ADGRL1: variants seen among roughly 807,000 people sequenced by gnomAD.
The protein encoded by ADGRL1 is adhesion G protein-coupled receptor L1.
ADGRL1 carries 31 observed loss-of-function variants against 148.9 expected under a neutral mutation model. The observed-to-expected ratio is 0.21, with a 90% CI of 0.16 to 0.28. The LOEUF (loss-of-function observed/expected upper bound fraction) is 0.28. Among genes scored for constraint, ADGRL1 ranks in the 10% least tolerant of loss-of-function variants. The pLI is 1.00. For missense variants in ADGRL1, 1,521 were observed against 2,058.8 expected (o/e 0.74, Z 5.05); for synonymous variants, 937 against 900.3 (o/e 1.04, Z -0.73).
chr19:14,203,999 T>C (rs188820549), intron 1 of ADGRL1, among the ~76,000 whole-genome samples: 1 of 152,204 alleles, frequency 6.6e-6, no homozygotes, highest in African/African-American at 2.4e-5. Flanking sequence ...GGGACCCACA[T>C]GTGAGCGCAC....
chr19:14,158,968 A>T, intron 11 of ADGRL1, 122 bp downstream of exon 11: 1 of 1,253,256 alleles, frequency 8.0e-7, no homozygotes, highest in Non-Finnish European at 1.1e-6. Context: ...CTCAAATTTT[A>T]CACTAGCATG....
chr19:14,176,424 A>G (rs1356218328), intron 3 of ADGRL1, among the ~76,000 whole-genome samples: 1 of 152,062 alleles, frequency 6.6e-6, no homozygotes, highest in Non-Finnish European at 1.5e-5. Flanking sequence ...ACACAGACAC[A>G]CTCCAAGTTA....
At chr19:14,182,907 G>A (rs990407841) in intron 2 of ADGRL1, among the ~76,000 whole-genome samples, 8 of 152,214 alleles carry the variant, frequency 5.3e-5, no homozygotes, top group Admixed American at 2.6e-4. Context: ...CAGGGATGTC[G>A]GGGTGGGCAG....
chr19:14,152,836 G>T lies in ADGRL1; in HGVS notation c.3371C>A (p.Ser1124Tyr). Residue 1124 changes from serine (S) to tyrosine (Y), a missense_variant, in exon 19 of 23, where the codon TCC becomes TAC. Physicochemically the swap from Ser to Tyr is moderately radical, Grantham distance 144 (BLOSUM62 -2). Transcript: ENST00000361434. The surrounding 1 kb of genome is among the most constrained non-coding windows in gnomAD (Gnocchi z 6.1). ...GCTTCGCATGGCTGAGGTCTTGAGG[G>T]ATCCGTGAGTGCCCCCGGGTGGGGA... ...IRSPPGGTHG[S>Y]LKTSAMRSNT... 1 of 1,614,212 alleles carries T rather than the reference G, an allele frequency of 6.2e-7. No individual in the cohort carries two copies. The highest frequency in any genetic ancestry group is 8.5e-7 in the Non-Finnish European group (1 of 1,180,030).
intron 22 of ADGRL1, 68 bp from the exon 23 acceptor site, chr19:14,151,683 G>A: frequency 1.3e-5 from 19 of 1,443,714 alleles, no homozygotes; most frequent in Middle Eastern, 1.9e-4. Context: ...CAGTGAGGGG[G>A]TGCGGTCCAT....
chr19:14,204,081 T>A (rs2145199968), intron 1 of ADGRL1, among the ~76,000 whole-genome samples: 1 of 152,294 alleles, frequency 6.6e-6, no homozygotes, highest in East Asian at 1.9e-4. Flanking sequence ...AGTTCCCTTT[T>A]CCGAATTCCA....
chr19:14,152,334 G>A lies in ADGRL1; in HGVS notation c.3624C>T (p.Ser1208=). Residue 1208 remains serine, a synonymous_variant, in exon 21 of 23, where the codon TCC becomes TCT. Transcript: ENST00000361434. This position sits in a 1 kb window ranked among gnomAD's most constrained non-coding sequence, Gnocchi z 6.1. The part of the protein sequence containing the change: ...LIAESVGFNP[S]SPPVFNSPGS... ...CTGGGGAGTTGAAGACAGGGGGCGA[G>A]GAGGGATTGAAGCCCACTGACTCGG... 1.3e-6 allele frequency: 2 copies of A among 1,597,976 alleles called. No homozygotes were observed. Among genetic ancestry groups the A allele is most frequent in the Non-Finnish European group, 8.5e-7 (1 of 1,170,258 alleles).
intron 1 of ADGRL1, among the ~76,000 whole-genome samples, chr19:14,186,852 G>A (rs977257994): frequency 2.6e-5 from 4 of 152,174 alleles, no homozygotes; most frequent in African/African-American, 9.7e-5. Context: ...GTCGGCTGCG[G>A]CTGCTCATTG....
Position 14,163,373 on chromosome 19 carries a change from A to C in ADGRL1, c.428T>G (p.Leu143Arg), listed in dbSNP as rs1378490559. The C allele has an allele frequency of 6.3e-7, 1 of 1,586,284 alleles. No homozygotes were observed. Among genetic ancestry groups the C allele is most frequent in the East Asian group, 2.3e-5 (1 of 43,506 alleles). ...TGACTCGTGTGTCGAGGTGGGCTCCAGCACCTTCTGCAGGGTCCCTGGGCA... is the reference window on the plus strand; with the variant it reads ...TGACTCGTGTGTCGAGGTGGGCTCCCGCACCTTCTGCAGGGTCCCTGGGCA... Reference protein sequence around the residue: ...FVCPGTLQKVLEPTSTHESEH... With the variant: ...FVCPGTLQKVREPTSTHESEH... The change falls in exon 5 of 23, where the codon CTG becomes CGG. Residue 143 changes from leucine (L) to arginine (R), a missense_variant. This residue lies in a region of ADGRL1 where 334 missense variants were observed against 512.5 expected (regional missense o/e 0.65). Transcript: ENST00000361434.
rs1348511397 is a variant in ADGRL1, at chr19:14,157,476, G to A, written c.2536-16C>T. On this transcript the variant is annotated splice_polypyrimidine_tract_variant and intron_variant, in intron 13 of 22. Coordinates refer to ENST00000361434, the MANE Select transcript of ADGRL1 (RefSeq NM_014921.5). This position sits in a 1 kb window ranked among gnomAD's most constrained non-coding sequence, Gnocchi z 7.5. ...GGCCCTGGTACTGGGGACAGGAACA[G>A]GGGGCACGCTCAGGGCCTTTGGTTT... 1.9e-6 allele frequency: 3 copies of A among 1,612,868 alleles called. No homozygotes were observed. The highest frequency in any genetic ancestry group is 2.5e-6 in the Non-Finnish European group (3 of 1,179,424).
In ADGRL1 at chr19:14,150,557, GGA is replaced by G. The variant is rs1491402588; in HGVS notation, c.*314_*315del. 5.6e-6 allele frequency: 2 copies of G among 356,040 alleles called. No individual in the cohort carries two copies. Among genetic ancestry groups the G allele is most frequent in the Admixed American group, 4.3e-5 (1 of 23,340 alleles). 22.1% of individuals were successfully genotyped at this position (356,040 alleles called of 1,614,324 possible). The stretch of plus-strand genomic sequence containing the variant: ...TCACAGGGTAGAAGGGTGGGAGAGG[GGA>G]GAGTCTGGAAGTGGGCTGCACCCTT... On this transcript the variant is annotated 3_prime_UTR_variant, in exon 23 of 23. Coordinates refer to ENST00000361434, the MANE Select transcript of ADGRL1 (RefSeq NM_014921.5).
At position 14,162,747 on chromosome 19, in the gene ADGRL1, G is replaced by A; in HGVS notation, c.1054C>T (p.Pro352Ser). ...AFNTNANREE[P>S]VSLTFPNPYQ... Reference sequence around the variant, plus strand: ...GGGTTGGGGAAGGTGAGGCTGACAGGCTCCTCGCGGTTGGCATTGGTGTTG... The same window carrying A: ...GGGTTGGGGAAGGTGAGGCTGACAGACTCCTCGCGGTTGGCATTGGTGTTG... Residue 352 changes from proline to serine, a missense_variant, in exon 5 of 23, where the codon CCT becomes TCT. Pro to Ser is a moderately conservative substitution (Grantham distance 74). This residue lies in a region of ADGRL1 where 270 missense variants were observed against 320.4 expected (regional missense o/e 0.84). Transcript: ENST00000361434. This position sits in a 1 kb window ranked among gnomAD's most constrained non-coding sequence, Gnocchi z 5.4. The A allele has an allele frequency of 6.2e-7, 1 of 1,614,222 alleles. No homozygotes were observed. The highest frequency in any genetic ancestry group is 8.5e-7 in the Non-Finnish European group (1 of 1,180,034).
intron 3 of ADGRL1, among the ~76,000 whole-genome samples, chr19:14,174,844 T>G (rs1178769760): frequency 2.7e-5 from 4 of 148,696 alleles, no homozygotes; most frequent in Non-Finnish European, 4.5e-5. Flanking sequence ...TCTGTTTTTT[T>G]TTTTTTTTTT....
At chr19:14,167,400 G>C (rs554109288) in intron 4 of ADGRL1, among the ~76,000 whole-genome samples, 21 of 151,984 alleles carry the variant, frequency 1.4e-4, no homozygotes, top group Non-Finnish European at 2.6e-4. Context: ...CGGGGGCAGG[G>C]AGTAGGGAGC....
chr19:14,204,433 G>A (rs1329841921), intron 1 of ADGRL1, among the ~76,000 whole-genome samples: 1 of 152,058 alleles, frequency 6.6e-6, no homozygotes. Context: ...AGCAGGTGGA[G>A]GGCACGGAGC....
Position 14,160,714 on chromosome 19 carries a change from C to G in ADGRL1, c.1511-18G>C. The G allele has an allele frequency of 6.8e-7, 1 of 1,466,680 alleles. No homozygotes were observed. The highest frequency in any genetic ancestry group is 1.7e-5 in the Admixed American group (1 of 58,804). 90.9% of individuals were successfully genotyped at this position (1,466,680 alleles called of 1,614,324 possible). A position where few individuals can be genotyped will look rare whatever the true frequency, so the allele number is the denominator to read the frequency against. ...GGCAATTCCTGCAGGGACAGACAGACAGGAACAGACAAGGGAGCCAAAGGG... is the reference window on the plus strand; with the variant it reads ...GGCAATTCCTGCAGGGACAGACAGAGAGGAACAGACAAGGGAGCCAAAGGG... On this transcript the variant is annotated intron_variant, in intron 6 of 22. Coordinates refer to ENST00000361434, the MANE Select transcript of ADGRL1 (RefSeq NM_014921.5). The surrounding 1 kb of genome is among the most constrained non-coding windows in gnomAD (Gnocchi z 5.9).
chr19:14,196,340 C>T (rs1321123107), intron 1 of ADGRL1, among the ~76,000 whole-genome samples: 4 of 152,302 alleles, frequency 2.6e-5, no homozygotes, highest in South Asian at 4.1e-4. Context: ...TGCACTGGGC[C>T]GGATGTGGCG....
At position 14,148,763 on chromosome 19, in the gene ADGRL1, G is replaced by A. The variant is rs926828448; in HGVS notation, c.*2110C>T. The A allele has an allele frequency of 6.5e-6, 1 of 152,718 alleles. No homozygotes were observed. Among genetic ancestry groups the A allele is most frequent in the Non-Finnish European group, 1.5e-5 (1 of 68,130 alleles). The allele number at this position is 152,718 out of a possible 1,614,324, so 9.5% of individuals were successfully genotyped here. A position where few individuals can be genotyped will look rare whatever the true frequency, so the allele number is the denominator to read the frequency against. ...CCAACCCCACCTCTTCCCCACACCT[G>A]TTCCCTTACACGGGACAAACCACCA... is the stretch of plus-strand genomic sequence containing the variant. On this transcript the variant is annotated 3_prime_UTR_variant, in exon 23 of 23. Coordinates refer to ENST00000361434, the MANE Select transcript of ADGRL1 (RefSeq NM_014921.5).
At chr19:14,164,993 G>A (rs146039348) in intron 4 of ADGRL1, among the ~76,000 whole-genome samples, 1 of 152,330 alleles carries the variant, frequency 6.6e-6, no homozygotes, top group Non-Finnish European at 1.5e-5. Context: ...TGTCACCAAA[G>A]CAGCTGGCCC....
Sources: allele counts gnomAD v4.1 joint callset (sites outside exome capture counted in the v4.1 genomes callset), GRCh38; gene constraint gnomAD v4.1.1; regional missense constraint gnomAD v4.1.1; non-coding constraint Gnocchi (gnomAD v3.1); transcripts MANE v1.5; gene names NCBI Gene and HGNC (gene_info 2026-07-23, HGNC 2026-07-21).